Variants in KHDRBS3 observed in about 807,000 individuals in gnomAD.
KHDRBS3 encodes KH domain-containing, RNA-binding, signal transduction-associated protein 3.
KHDRBS3 carries 23 observed loss-of-function variants against 45.6 expected under a neutral mutation model. That is an observed-to-expected ratio of 0.50 (90% CI 0.36 to 0.72). The LOEUF (loss-of-function observed/expected upper bound fraction) is 0.72. Among genes scored for constraint, KHDRBS3 ranks in the 30% least tolerant of loss-of-function variants. The pLI is 0.00. For synonymous variants in KHDRBS3, 162 were observed against 156.5 expected (o/e 1.04, Z -0.26); for missense variants, 352 against 424.8 (o/e 0.83, Z 1.51).
chr8:135,648,175 A>G (rs1456463354), downstream of KHDRBS3: 1 of 152,234 alleles, frequency 6.6e-6, no homozygotes, highest in Non-Finnish European at 1.5e-5. Flanking sequence ...AATATAACTA[A>G]TAAAACCAGG....
chr8:135,468,219 A>C (rs1821797966), intron 1 of KHDRBS3, among the ~76,000 whole-genome samples: 1 of 152,082 alleles, frequency 6.6e-6, no homozygotes, highest in South Asian at 2.1e-4. Flanking sequence ...ATCATCCCCT[A>C]AATTGGCTTA....
chr8:135,511,017 A>G (rs1019274073), intron 1 of KHDRBS3, among the ~76,000 whole-genome samples: 2 of 152,208 alleles, frequency 1.3e-5, no homozygotes, highest in African/African-American at 2.4e-5. Flanking sequence ...TTTCATAGGC[A>G]TTTCTTTTGA....
At chr8:135,558,478 A>T (rs1300973685) in intron 5 of KHDRBS3, among the ~76,000 whole-genome samples, 1 of 152,186 alleles carries the variant, frequency 6.6e-6, no homozygotes, top group Non-Finnish European at 1.5e-5. Flanking sequence ...CTCTAAGTTT[A>T]TTTGGGAGAA....
chr8:135,488,621 A>G (rs1377272500), intron 1 of KHDRBS3, among the ~76,000 whole-genome samples: 1 of 152,212 alleles, frequency 6.6e-6, no homozygotes, highest in African/African-American at 2.4e-5. Flanking sequence ...CCTTAACAAC[A>G]GGGTGGGTTG....
At chr8:135,566,229 G>A (rs972876024) in intron 5 of KHDRBS3, among the ~76,000 whole-genome samples, 9 of 152,072 alleles carry the variant, frequency 5.9e-5, no homozygotes, top group East Asian at 1.9e-4. Context: ...TGCTCTCCTC[G>A]GTTTCCTCTG....
chr8:135,587,093 A>G (rs1828512264), intron 6 of KHDRBS3, among the ~76,000 whole-genome samples: 1 of 152,230 alleles, frequency 6.6e-6, no homozygotes, highest in Admixed American at 6.5e-5. Context: ...ACTGTTAGCC[A>G]AAGTGAGAAA....
rs552531718 is a variant in KHDRBS3, at chr8:135,494,504, T to A, written c.89-26733T>A. ...CGTGTTAGCCAGGATGGTCTAGATC[T>A]CCTGACCTCGTGATCCACCCACCTC... On this transcript the variant is annotated intron_variant, in intron 1 of 8. Coordinates refer to ENST00000355849, the MANE Select transcript of KHDRBS3 (RefSeq NM_006558.3). Among the ~76,000 whole-genome samples the A allele has an allele frequency of 2.6e-5, 4 of 152,218 alleles. No homozygotes were observed. In the South Asian group the frequency reaches 8.3e-4, roughly 32 times the overall value.
chr8:135,464,828 AG>A (rs1821617387), intron 1 of KHDRBS3, among the ~76,000 whole-genome samples: 1 of 152,234 alleles, frequency 6.6e-6, no homozygotes, highest in South Asian at 2.1e-4. Flanking sequence ...ACACATAGCT[AG>A]TAACTGGTGA....
At chr8:135,565,591 C>A (rs758489054) in intron 5 of KHDRBS3, among the ~76,000 whole-genome samples, 1 of 152,168 alleles carries the variant, frequency 6.6e-6, no homozygotes, top group Non-Finnish European at 1.5e-5. Context: ...TTCAGGGATA[C>A]TTGCAGTCTG....
intron 5 of KHDRBS3, among the ~76,000 whole-genome samples, chr8:135,568,431 T>G (rs1827536072): frequency 6.6e-6 from 1 of 152,174 alleles, no homozygotes; most frequent in Non-Finnish European, 1.5e-5. Context: ...AAAAAATGTT[T>G]TAAAATCTGT....
intron 1 of KHDRBS3, among the ~76,000 whole-genome samples, chr8:135,479,758 T>C (rs553589884): frequency 8.5e-5 from 13 of 152,314 alleles, no homozygotes; most frequent in East Asian, 5.8e-4. Flanking sequence ...TTTCAACATA[T>C]GAATATTGCG....
chr8:135,545,385 C>T (rs1294498566), intron 3 of KHDRBS3, among the ~76,000 whole-genome samples: 1 of 152,146 alleles, frequency 6.6e-6, no homozygotes, highest in Non-Finnish European at 1.5e-5. Context: ...GTGGAAGGCT[C>T]TGTGGCATTT....
intron 1 of KHDRBS3, among the ~76,000 whole-genome samples, chr8:135,466,140 A>T (rs1176963906): frequency 3.9e-5 from 6 of 152,018 alleles, no homozygotes. Flanking sequence ...ATTGCTTTTG[A>T]TTTTCATGCA....
At chr8:135,609,413 A>G (rs528337978) in intron 7 of KHDRBS3, among the ~76,000 whole-genome samples, 14 of 150,996 alleles carry the variant, frequency 9.3e-5, no homozygotes, top group South Asian at 4.2e-4. Context: ...TTGTGCCTCA[A>G]CCTCCGGAGT....
At chr8:135,464,327 G>A (rs556118013) in intron 1 of KHDRBS3, among the ~76,000 whole-genome samples, 15 of 152,114 alleles carry the variant, frequency 9.9e-5, no homozygotes, top group Non-Finnish European at 2.1e-4. Flanking sequence ...GGCATTCAAA[G>A]TAAGGATTTT....
chr8:135,589,293 C>T (rs1426408815), intron 6 of KHDRBS3, among the ~76,000 whole-genome samples: 2 of 152,072 alleles, frequency 1.3e-5, no homozygotes, highest in African/African-American at 2.4e-5. Flanking sequence ...TATCTAACAT[C>T]GGATATGCTA....
At chr8:135,506,830 T>C (rs992365374) in intron 1 of KHDRBS3, among the ~76,000 whole-genome samples, 2 of 151,898 alleles carry the variant, frequency 1.3e-5, no homozygotes, top group African/African-American at 2.4e-5. Context: ...AATTGTACCA[T>C]TGTTTTTTTT....
rs555392921 is a variant in KHDRBS3 at position 135,474,337 on chromosome 8, A to G, written c.88+16383A>G. Among the ~76,000 whole-genome samples the G allele has an allele frequency of 5.3e-5, 8 of 152,300 alleles. No homozygotes were observed. In the East Asian group the frequency reaches 1.3e-3, roughly 26 times the overall value. ...ATTCACAAGAGATTTCATACCACCAACTTTGCCTTGAAGCCTGACACATGC... is the reference window on the plus strand; with the variant it reads ...ATTCACAAGAGATTTCATACCACCAGCTTTGCCTTGAAGCCTGACACATGC... On this transcript the variant is annotated intron_variant, in intron 1 of 8. Transcript: ENST00000355849.
intron 1 of KHDRBS3, among the ~76,000 whole-genome samples, chr8:135,469,898 T>A (rs1366569829): frequency 6.6e-6 from 1 of 152,220 alleles, no homozygotes; most frequent in Non-Finnish European, 1.5e-5. Flanking sequence ...AACCAAGCGC[T>A]AGAGTACATC....
Sources: allele counts gnomAD v4.1 joint callset (sites outside exome capture counted in the v4.1 genomes callset), GRCh38; gene constraint gnomAD v4.1.1; transcripts MANE v1.5; gene names NCBI Gene and HGNC (gene_info 2026-07-23, HGNC 2026-07-21).